Variants in HLCS observed in about 807,000 individuals in gnomAD.
HLCS encodes the protein holocarboxylase synthetase, also known as biotin--protein ligase.
In HLCS, 53 loss-of-function variants were observed where a neutral mutation model predicts 75.0. That is an observed-to-expected ratio of 0.71 (90% confidence interval 0.57 to 0.89). The LOEUF is 0.89. Ranked by LOEUF, HLCS falls within the 40% of genes least tolerant of loss-of-function variation. The pLI is 0.00. For synonymous variants in HLCS, 431 were observed against 428.6 expected (o/e 1.01, Z -0.07); for missense variants, 966 against 1,074.0 (o/e 0.90, Z 1.41).
chr21:36,885,181 C>A lies in HLCS; in HGVS notation c.1892+11679G>T, dbSNP rs114538201. On this transcript the variant is annotated intron_variant, in intron 6 of 10. Coordinates refer to ENST00000674895, the MANE Select transcript of HLCS (RefSeq NM_001352514.2). ...GGTTCTAGTATGAGAAAAAAACTGT[C>A]GAAATCTTCAAACAAAAACTCCATT... 6.2e-3 allele frequency among the ~76,000 whole-genome samples: 942 copies of A among 152,180 alleles called. 9 individuals carry two copies. The highest frequency in any genetic ancestry group is 0.022 in the African/African-American group (908 of 41,522).
At chr21:36,793,071 C>T (rs1340168513) in intron 6 of HLCS, among the ~76,000 whole-genome samples, 1 of 152,052 alleles carries the variant, frequency 6.6e-6, no homozygotes, top group African/African-American at 2.4e-5. Flanking sequence ...GACTTGAACC[C>T]CTCATGCGCT....
intron 5 of HLCS, among the ~76,000 whole-genome samples, chr21:36,926,233 C>T (rs1351612725): frequency 6.6e-6 from 1 of 152,176 alleles, no homozygotes; most frequent in Non-Finnish European, 1.5e-5. Flanking sequence ...AGGGGTAGGG[C>T]ACCCAGGGGT....
At chr21:36,836,667 G>GA (rs1006016488) in intron 6 of HLCS, among the ~76,000 whole-genome samples, 6 of 151,022 alleles carry the variant, frequency 4.0e-5, no homozygotes, top group South Asian at 2.1e-4. Context: ...AAATTTACAA[G>GA]AAAAAAACAA....
chr21:36,825,813 G>A (rs563838428), intron 6 of HLCS, among the ~76,000 whole-genome samples: 11 of 152,290 alleles, frequency 7.2e-5, no homozygotes, highest in East Asian at 5.8e-4. Flanking sequence ...ACAATTTCAC[G>A]GATAAAAGAC....
chr21:36,787,297 C>G (rs1054716647), intron 6 of HLCS, among the ~76,000 whole-genome samples: 5 of 152,124 alleles, frequency 3.3e-5, no homozygotes, highest in Non-Finnish European at 7.4e-5. Context: ...TTTGGTAGGC[C>G]ATTTGCACTC....
chr21:36,923,121 T>C (rs908935677), intron 5 of HLCS, among the ~76,000 whole-genome samples: 7 of 152,206 alleles, frequency 4.6e-5, no homozygotes, highest in Non-Finnish European at 4.4e-5. Context: ...TCATGCTCTC[T>C]AACCCGGCAC....
intron 6 of HLCS, among the ~76,000 whole-genome samples, chr21:36,792,765 G>A (rs193158663): frequency 6.6e-6 from 1 of 152,280 alleles, no homozygotes; most frequent in East Asian, 1.9e-4. Flanking sequence ...CAGAACCACA[G>A]AGCTGTTACA....
chr21:36,930,109 C>T, intron 5 of HLCS, 142 bp downstream of exon 5: 1 of 777,238 alleles, frequency 1.3e-6, no homozygotes, highest in Non-Finnish European at 2.2e-6. Flanking sequence ...ATTTGCACAT[C>T]TTGAAGATGA....
chr21:36,966,223 C>A (rs1019791246), intron 1 of HLCS, among the ~76,000 whole-genome samples: 1 of 152,210 alleles, frequency 6.6e-6, no homozygotes, highest in African/African-American at 2.4e-5. Flanking sequence ...CAGCACCGCC[C>A]GGCTGGCCGG....
At chr21:36,892,773 A>G (rs1478968414) in intron 6 of HLCS, among the ~76,000 whole-genome samples, 1 of 152,236 alleles carries the variant, frequency 6.6e-6, no homozygotes, top group Non-Finnish European at 1.5e-5. Context: ...GGAGAAAAAG[A>G]GATTTTGTAA....
At chr21:36,868,258 A>C (rs987781708) in intron 6 of HLCS, among the ~76,000 whole-genome samples, 1 of 148,850 alleles carries the variant, frequency 6.7e-6, no homozygotes, top group African/African-American at 2.5e-5. Context: ...AAAGAAAGAG[A>C]GAAGGAAGGA....
intron 10 of HLCS, among the ~76,000 whole-genome samples, chr21:36,755,234 A>C (rs1426229571): frequency 6.6e-6 from 1 of 152,014 alleles, no homozygotes; most frequent in Non-Finnish European, 1.5e-5. Context: ...CTGCCTCTAC[A>C]AAAAAATTTT....
intron 6 of HLCS, among the ~76,000 whole-genome samples, chr21:36,868,979 G>A (rs921472910): frequency 1.3e-5 from 2 of 152,146 alleles, no homozygotes; most frequent in East Asian, 1.9e-4. Context: ...CTGAGGCACC[G>A]CACAGGTTGT....
Position 36,930,427 on chromosome 21 carries a change from A to T in HLCS, c.1444T>A (p.Leu482Ile). The T allele has an allele frequency of 6.2e-7, 1 of 1,613,952 alleles. No individual in the cohort carries two copies. The highest frequency in any genetic ancestry group is 8.5e-7 in the Non-Finnish European group (1 of 1,179,802). ...GGEAVLCQVHLELPPSSNIVQ... is the reference protein window; with the variant it reads ...GGEAVLCQVHIELPPSSNIVQ... ...ATGTTGGAGCTGGGAGGTAGTTCTA[A>T]GTGCACCTGAAGGGGAAAGATAGCA... is the stretch of plus-strand genomic sequence containing the variant. The change falls in exon 5 of 11, where the codon TTA (leucine) becomes ATA (isoleucine). Residue 482 changes from leucine to isoleucine, a missense_variant. Physicochemically the swap from Leu to Ile is conservative, Grantham distance 5. Transcript: ENST00000674895.
At position 36,854,058 on chromosome 21, in the gene HLCS, G is replaced by A. The variant is rs536802689; in HGVS notation, c.1892+42802C>T. ...GTGAAATTTTGACTATTAAAAAAGAGTCTCATATAACTTTTAATGGATAAT... is the reference window on the plus strand; with the variant it reads ...GTGAAATTTTGACTATTAAAAAAGAATCTCATATAACTTTTAATGGATAAT... On this transcript the variant is annotated intron_variant, in intron 6 of 10. Transcript: ENST00000674895. Among the ~76,000 whole-genome samples the A allele has an allele frequency of 4.6e-4, 70 of 152,262 alleles. 1 individual carries two copies. Among genetic ancestry groups the A allele is most frequent in the South Asian group, 4.4e-3 (21 of 4,824 alleles).
At chr21:36,759,628 T>C (rs2089748853) in intron 9 of HLCS, 99 bp downstream of exon 9, 8 of 760,072 alleles carry the variant, frequency 1.1e-5, no homozygotes, top group Non-Finnish European at 1.7e-5. Context: ...TAACCTCATA[T>C]GATAATCTGC....
intron 6 of HLCS, among the ~76,000 whole-genome samples, chr21:36,813,118 T>G (rs1350583647): frequency 2.6e-5 from 4 of 152,200 alleles, no homozygotes; most frequent in African/African-American, 9.7e-5. Context: ...TCTGGCAATA[T>G]GCTATGCATA....
chr21:36,904,459 T>C (rs960303323), intron 5 of HLCS, among the ~76,000 whole-genome samples: 2 of 152,166 alleles, frequency 1.3e-5, no homozygotes, highest in Non-Finnish European at 2.9e-5. Flanking sequence ...CTTTCAGGGC[T>C]TACTCAGAAC....
At chr21:36,948,120 G>A (rs1364568314) in intron 2 of HLCS, 4 of 240,266 alleles carry the variant, frequency 1.7e-5, no homozygotes, top group East Asian at 1.8e-4. Flanking sequence ...TGAAACCCCC[G>A]CCTCTACTAA....
Sources: gnomAD v4.1 joint callset for allele counts (sites outside exome capture counted in the v4.1 genomes callset) on GRCh38, gnomAD v4.1.1 for gene constraint, MANE v1.5 for transcripts, NCBI Gene and HGNC (gene_info 2026-07-23, HGNC 2026-07-21) for gene names.